The following DYRK1A variants were observed in gnomAD, a reference collection of about 807,000 sequenced individuals.
DYRK1A encodes dual specificity tyrosine phosphorylation regulated kinase 1A, also known as dual specificity tyrosine-phosphorylation-regulated kinase 1A.
In DYRK1A, 9 loss-of-function variants were observed where a neutral mutation model predicts 79.7. That is an observed-to-expected ratio of 0.11 (90% confidence interval 0.07 to 0.20). DYRK1A has a LOEUF of 0.20. Among genes scored for constraint, DYRK1A ranks in the 10% least tolerant of loss-of-function variants. The probability of loss-of-function intolerance (pLI) is 1.00; values close to 1 mark genes in which losing one functional copy is unlikely to be tolerated. For missense variants in DYRK1A, 622 were observed against 956.0 expected (o/e 0.65, Z 4.61); for synonymous variants, 349 against 329.7 (o/e 1.06, Z -0.63).
Position 37,400,629 on chromosome 21 carries a change from C to G in DYRK1A, c.-76-19670C>G, listed in dbSNP as rs187802229. Among the ~76,000 whole-genome samples the G allele has an allele frequency of 3.5e-3, 537 of 152,236 alleles. 1 individual carries two copies. The highest frequency in any genetic ancestry group is 9.3e-3 in the Admixed American group (143 of 15,296). ...AACAATGGTTTTGAGCGACTTTTCTCTAAATAATGGAAGTTATTGTTCTTT... is the reference window on the plus strand; with the variant it reads ...AACAATGGTTTTGAGCGACTTTTCTGTAAATAATGGAAGTTATTGTTCTTT... On this transcript the variant is annotated intron_variant, in intron 1 of 11. Transcript: ENST00000647188.
At chr21:37,492,772 A>G (rs2053138829) in intron 7 of DYRK1A, among the ~76,000 whole-genome samples, 1 of 152,118 alleles carries the variant, frequency 6.6e-6, no homozygotes, top group South Asian at 2.1e-4. Context: ...ATGACTAGGT[A>G]GGATTAGACT....
At chr21:37,439,873 T>TA (rs1166100804) in intron 2 of DYRK1A, among the ~76,000 whole-genome samples, 22 of 152,268 alleles carry the variant, frequency 1.4e-4, no homozygotes, top group African/African-American at 5.1e-4. Flanking sequence ...TTTTATTTTT[T>TA]AGTTAATTTG....
intron 2 of DYRK1A, among the ~76,000 whole-genome samples, chr21:37,433,660 G>A (rs954703634): frequency 2.0e-5 from 3 of 152,160 alleles, no homozygotes; most frequent in East Asian, 3.9e-4. Context: ...CTTTGGTTTC[G>A]ACAGTGATTT....
At chr21:37,474,538 C>T (rs543756006) in intron 3 of DYRK1A, among the ~76,000 whole-genome samples, 2 of 152,274 alleles carry the variant, frequency 1.3e-5, no homozygotes, top group East Asian at 3.9e-4. Context: ...ATAGTCTAGT[C>T]ATAGGACCTG....
In DYRK1A at chr21:37,513,306, G is replaced by A. The variant is rs1377214925; in HGVS notation, c.*775G>A. On this transcript the variant is annotated 3_prime_UTR_variant, in exon 12 of 12. Transcript: ENST00000647188. ...AAGGTGCACTGAGAAGCAATCAACG[G>A]GTCGGTCGTGGCCAGTCCTGGGGAG... is the stretch of plus-strand genomic sequence containing the variant. 1 of 152,766 alleles carries A rather than the reference G, an allele frequency of 6.5e-6. No individual in the cohort carries two copies. The highest frequency in any genetic ancestry group is 2.4e-5 in the African/African-American group (1 of 41,424). 9.5% of individuals were successfully genotyped at this position (152,766 alleles called of 1,614,324 possible).
At chr21:37,494,330 C>T (rs1363699941) in intron 8 of DYRK1A, among the ~76,000 whole-genome samples, 1 of 151,902 alleles carries the variant, frequency 6.6e-6, no homozygotes, top group Non-Finnish European at 1.5e-5. Flanking sequence ...AAAACTTTGC[C>T]ATGTTACTCA....
At chr21:37,418,818 C>T (rs918830363) in intron 1 of DYRK1A, 2 of 152,074 alleles carry the variant, frequency 1.3e-5, no homozygotes. Flanking sequence ...TAATGTAATA[C>T]CGTAACAGGC....
intron 4 of DYRK1A, among the ~76,000 whole-genome samples, chr21:37,479,564 T>G (rs551035350): frequency 2.7e-5 from 4 of 148,372 alleles, no homozygotes; most frequent in African/African-American, 1.0e-4. Flanking sequence ...TTTTTTTTTT[T>G]ACTAGTCTTA....
intron 4 of DYRK1A, among the ~76,000 whole-genome samples, chr21:37,478,873 T>TA (rs1188822117): frequency 6.6e-6 from 1 of 152,220 alleles, no homozygotes; most frequent in Non-Finnish European, 1.5e-5. Context: ...GTAAATAAGA[T>TA]AAAAAACAGA....
intron 2 of DYRK1A, chr21:37,425,558 G>A (rs937357091): frequency 1.3e-5 from 2 of 152,080 alleles, no homozygotes; most frequent in Non-Finnish European, 1.5e-5. Context: ...TAAGACCCAG[G>A]TAAAAGAAAA....
rs767266728 is a variant in DYRK1A at position 37,512,213 on chromosome 21, G to A, written c.1947G>A (p.Leu649=). 5.6e-6 allele frequency: 9 copies of A among 1,614,082 alleles called. No homozygotes were observed. The highest frequency in any genetic ancestry group is 7.6e-6 in the Non-Finnish European group (9 of 1,180,036). The part of the protein sequence containing the change: ...VGHSHHSMTS[L]SSSTTSSSTS... ...ACAGTCACCACTCCATGACATCCCTGTCTTCCTCAACGACTTCTTCCTCGA... is the reference window on the plus strand; with the variant it reads ...ACAGTCACCACTCCATGACATCCCTATCTTCCTCAACGACTTCTTCCTCGA... Residue 649 remains leucine (L), a synonymous_variant, in exon 12 of 12, where the codon CTG becomes CTA. Coordinates refer to ENST00000647188, the MANE Select transcript of DYRK1A (RefSeq NM_001347721.2).
At chr21:37,440,520 T>C (rs1251792281) in intron 2 of DYRK1A, among the ~76,000 whole-genome samples, 2 of 152,196 alleles carry the variant, frequency 1.3e-5, no homozygotes, top group Non-Finnish European at 2.9e-5. Flanking sequence ...TAGAGATGAT[T>C]AATGCTATAA....
rs769512199 is a variant in DYRK1A at position 37,516,470 on chromosome 21, A to G, written c.*3939A>G. On this transcript the variant is annotated 3_prime_UTR_variant, in exon 12 of 12. Transcript: ENST00000647188. ...AAACATACATCACCAAGTAATTTGT[A>G]GTACAAAGAACAAGAGAAGAAACCC... The G allele has an allele frequency of 2.6e-5, 4 of 152,184 alleles. No homozygotes were observed. The highest frequency in any genetic ancestry group is 5.9e-5 in the Non-Finnish European group (4 of 68,034). 9.4% of individuals were successfully genotyped at this position (152,184 alleles called of 1,614,324 possible).
At chr21:37,485,686 A>C (rs2052834071) in intron 5 of DYRK1A, among the ~76,000 whole-genome samples, 1 of 152,248 alleles carries the variant, frequency 6.6e-6, no homozygotes, top group South Asian at 2.1e-4. Context: ...GTCACTGGTT[A>C]ATAAGAGATA....
chr21:37,399,555 T>C (rs1459888552), intron 1 of DYRK1A, among the ~76,000 whole-genome samples: 1 of 152,248 alleles, frequency 6.6e-6, no homozygotes, highest in East Asian at 1.9e-4. Flanking sequence ...TGTACTTTCA[T>C]GTTGTTGACA....
At chr21:37,474,125 CTG>C (rs1456462041) in intron 3 of DYRK1A, among the ~76,000 whole-genome samples, 2 of 152,192 alleles carry the variant, frequency 1.3e-5, no homozygotes, top group Non-Finnish European at 2.9e-5. Context: ...GAGCAGGAGA[CTG>C]TGGGGTCCAG....
intron 2 of DYRK1A, among the ~76,000 whole-genome samples, chr21:37,437,839 A>G (rs552788734): frequency 1.3e-5 from 2 of 152,308 alleles, no homozygotes; most frequent in East Asian, 3.9e-4. Context: ...TTGTATGGAC[A>G]TATGTTTTTA....
At chr21:37,368,455 A>G (rs921774361) in intron 1 of DYRK1A, among the ~76,000 whole-genome samples, 1 of 152,228 alleles carries the variant, frequency 6.6e-6, no homozygotes, top group Non-Finnish European at 1.5e-5. Flanking sequence ...TTAGTGAGTC[A>G]GTGACTCTGG....
Position 37,472,855 on chromosome 21 carries a change from A to G in DYRK1A, c.182A>G (p.Gln61Arg). 1 of 1,589,582 alleles carries G rather than the reference A, an allele frequency of 6.3e-7. No individual in the cohort carries two copies. Among genetic ancestry groups the G allele is most frequent in the South Asian group, 1.1e-5 (1 of 88,098 alleles). ...QQVSALSYSD[Q>R]IQQPLTNQRR... ...GTTTCTGCCTTATCATATTCTGACC[A>G]GATTCAGCAACCTCTAACTAACCAG... The change falls in exon 3 of 12, where the codon CAG becomes CGG. Residue 61 changes from glutamine (Q) to arginine (R), a missense_variant. By Grantham distance (43) the Gln-to-Arg change is conservative (BLOSUM62 1). Coordinates refer to ENST00000647188, the MANE Select transcript of DYRK1A (RefSeq NM_001347721.2).
Sources: allele counts gnomAD v4.1 joint callset (sites outside exome capture counted in the v4.1 genomes callset), GRCh38; gene constraint gnomAD v4.1.1; transcripts MANE v1.5; gene names NCBI Gene and HGNC (gene_info 2026-07-23, HGNC 2026-07-21).